The following SAMD13 variants were observed in gnomAD, a reference collection of about 807,000 sequenced individuals.
The protein encoded by SAMD13 is sterile alpha motif domain containing 13, also known as sterile alpha motif domain-containing protein 13.
In SAMD13, 9 loss-of-function variants were observed where a neutral mutation model predicts 12.4. The observed-to-expected ratio is 0.72, with a 90% CI of 0.44 to 1.26. The LOEUF (loss-of-function observed/expected upper bound fraction) is 1.26, where lower values mean the gene tolerates loss of function less well. SAMD13 is among the 50% of genes most tolerant of loss of function. The pLI is 0.00. For synonymous variants in SAMD13, 46 were observed against 45.4 expected (o/e 1.01, Z -0.05); for missense variants, 84 against 119.6 (o/e 0.70, Z 1.39).
intron 2 of SAMD13, among the ~76,000 whole-genome samples, chr1:84,323,164 A>G (rs1405002207): frequency 6.6e-6 from 1 of 152,156 alleles, no homozygotes; most frequent in Non-Finnish European, 1.5e-5. Flanking sequence ...TGTTGGAACA[A>G]TGAACTCCTT....
At position 84,346,891 on chromosome 1, in the gene SAMD13, G is replaced by A. The variant is rs1404784665; in HGVS notation, c.166-2740G>A. Among the ~76,000 whole-genome samples the A allele has an allele frequency of 2.0e-5, 3 of 152,098 alleles. No individual in the cohort carries two copies. The East Asian group carries it at 5.8e-4, about 29-fold the overall frequency. ...GCCTACATCTTCCTGGCAAAGGGGA[G>A]CACACTGGCAGAAAGGAAGCAGAAG... On this transcript the variant is annotated intron_variant, in intron 3 of 3. Coordinates refer to ENST00000394834, the MANE Select transcript of SAMD13 (RefSeq NM_001134663.2).
intron 3 of SAMD13, among the ~76,000 whole-genome samples, chr1:84,331,057 T>C (rs900785097): frequency 2.0e-5 from 3 of 152,130 alleles, no homozygotes; most frequent in African/African-American, 7.2e-5. Flanking sequence ...AGATGACTTA[T>C]TGCTAACTTT....
upstream of SAMD13, among the ~76,000 whole-genome samples, chr1:84,299,374 G>A (rs1210479048): frequency 1.3e-5 from 2 of 152,114 alleles, no homozygotes; most frequent in Non-Finnish European, 2.9e-5. Context: ...TGACACCAAA[G>A]TTATTTCAGC....
chr1:84,313,007 A>C (rs1379438874), intron 2 of SAMD13, among the ~76,000 whole-genome samples: 1 of 152,144 alleles, frequency 6.6e-6, no homozygotes, highest in Non-Finnish European at 1.5e-5. Flanking sequence ...TTAAGATTCC[A>C]GATTTTATTT....
At chr1:84,341,896 A>T (rs1281338826) in intron 3 of SAMD13, among the ~76,000 whole-genome samples, 2 of 152,208 alleles carry the variant, frequency 1.3e-5, no homozygotes, top group Non-Finnish European at 2.9e-5. Flanking sequence ...TACCAGTAGT[A>T]TATAATGGCT....
chr1:84,304,650 T>A (rs746164533), intron 2 of SAMD13, among the ~76,000 whole-genome samples: 5 of 152,092 alleles, frequency 3.3e-5, no homozygotes, highest in Non-Finnish European at 7.4e-5. Flanking sequence ...CCTTTTGTAA[T>A]CTCTCCCTCC....
chr1:84,350,045 A>C lies in SAMD13; in HGVS notation c.*271A>C, dbSNP rs945579328. On this transcript the variant is annotated 3_prime_UTR_variant, in exon 4 of 4. Transcript: ENST00000394834. ...CACGATTAGACACTCCTCCCCACAAAGGCTTTGAAATCATAAGGATTTTCC... is the reference window on the plus strand; with the variant it reads ...CACGATTAGACACTCCTCCCCACAACGGCTTTGAAATCATAAGGATTTTCC... 1.1e-5 allele frequency: 4 copies of C among 372,156 alleles called. No individual in the cohort carries two copies. Among genetic ancestry groups the C allele is most frequent in the African/African-American group, 8.4e-5 (4 of 47,842 alleles). 23.1% of individuals were successfully genotyped at this position (372,156 alleles called of 1,614,324 possible).
At chr1:84,330,679 C>T (rs1412870642) in intron 3 of SAMD13, among the ~76,000 whole-genome samples, 1 of 152,162 alleles carries the variant, frequency 6.6e-6, no homozygotes, top group African/African-American at 2.4e-5. Flanking sequence ...TTGCAAGTCA[C>T]AAAGACAGCT....
At chr1:84,323,172 C>G (rs769511916) in intron 2 of SAMD13, among the ~76,000 whole-genome samples, 14 of 152,060 alleles carry the variant, frequency 9.2e-5, no homozygotes, top group Admixed American at 2.0e-4. Context: ...CAATGAACTC[C>G]TTTCTGAACA....
rs1679614060 is a variant in SAMD13, at chr1:84,349,978, G to A, written c.*204G>A. On this transcript the variant is annotated 3_prime_UTR_variant, in exon 4 of 4. Transcript: ENST00000394834. ...AGGAGCAAGGACAAGATGCGCACAG[G>A]GTGGTTTTCCTCATGGATTTTGTCA... 1.7e-6 allele frequency: 2 copies of A among 1,169,958 alleles called. No individual in the cohort carries two copies. The highest frequency in any genetic ancestry group is 6.1e-5 in the East Asian group (2 of 32,646). The allele number at this position is 1,169,958 out of a possible 1,614,324, so 72.5% of individuals were successfully genotyped here.
At chr1:84,322,513 A>G (rs1350867589) in intron 2 of SAMD13, among the ~76,000 whole-genome samples, 1 of 152,182 alleles carries the variant, frequency 6.6e-6, no homozygotes, top group Non-Finnish European at 1.5e-5. Context: ...TTGTTAGTCC[A>G]TTGTAATACT....
intron 3 of SAMD13, among the ~76,000 whole-genome samples, chr1:84,346,049 C>T (rs1294771040): frequency 6.6e-6 from 1 of 152,042 alleles, no homozygotes. Context: ...GTGATCAGTG[C>T]ATGTCAGGAA....
At chr1:84,320,031 A>G (rs1002208473) in intron 2 of SAMD13, among the ~76,000 whole-genome samples, 1 of 152,186 alleles carries the variant, frequency 6.6e-6, no homozygotes, top group Non-Finnish European at 1.5e-5. Context: ...TTTTTGGAAT[A>G]GAGCAGGAAA....
At chr1:84,300,312 A>G (rs997476517), upstream of SAMD13, among the ~76,000 whole-genome samples, 2 of 152,224 alleles carry the variant, frequency 1.3e-5, no homozygotes, top group African/African-American at 4.8e-5. Context: ...TCAAGGGAGC[A>G]ATGGCAAATA....
chr1:84,313,210 G>T (rs1487120552), intron 2 of SAMD13, among the ~76,000 whole-genome samples: 1 of 151,994 alleles, frequency 6.6e-6, no homozygotes, highest in Non-Finnish European at 1.5e-5. Flanking sequence ...ATATATATGG[G>T]AGCATACACA....
intron 1 of SAMD13, among the ~76,000 whole-genome samples, chr1:84,302,322 C>T (rs1423166823): frequency 5.0e-5 from 7 of 140,276 alleles, no homozygotes; most frequent in African/African-American, 1.1e-4. Context: ...AAACACGTTT[C>T]GGGACTGTTT....
At chr1:84,332,886 A>G (rs1679221288) in intron 3 of SAMD13, among the ~76,000 whole-genome samples, 1 of 152,150 alleles carries the variant, frequency 6.6e-6, no homozygotes. Flanking sequence ...TCTCTAAACT[A>G]TCTTGAATTG....
In SAMD13 at chr1:84,350,201, G is replaced by C. The variant is rs1345381267; in HGVS notation, c.*427G>C. The C allele has an allele frequency of 1.3e-5, 2 of 154,032 alleles. No individual in the cohort carries two copies. The highest frequency in any genetic ancestry group is 6.4e-5 in the Admixed American group (1 of 15,516). 9.5% of individuals were successfully genotyped at this position (154,032 alleles called of 1,614,324 possible). ...GGGGAGAAAGAAGAAAGGGATTGCT[G>C]TCTCCCTTGAATTCCTCTGTTCCTT... is the stretch of plus-strand genomic sequence containing the variant. On this transcript the variant is annotated 3_prime_UTR_variant, in exon 4 of 4. Transcript: ENST00000394834.
intron 3 of SAMD13, among the ~76,000 whole-genome samples, chr1:84,343,354 G>A (rs1016993380): frequency 1.3e-5 from 2 of 152,208 alleles, no homozygotes; most frequent in Non-Finnish European, 2.9e-5. Flanking sequence ...CCATTACTGG[G>A]TATATACCCA....
Sources: allele counts gnomAD v4.1 joint callset (sites outside exome capture counted in the v4.1 genomes callset), GRCh38; gene constraint gnomAD v4.1.1; transcripts MANE v1.5; gene names NCBI Gene and HGNC (gene_info 2026-07-23, HGNC 2026-07-21).